CELA1: variants seen among roughly 807,000 people sequenced by gnomAD.
The protein encoded by CELA1 is chymotrypsin like elastase 1.
In CELA1, 28 loss-of-function variants were observed where a neutral mutation model predicts 34.8. The ratio of observed to expected loss-of-function variants is 0.80; its 90% CI spans 0.60 to 1.10. The LOEUF (loss-of-function observed/expected upper bound fraction) is 1.10, where lower values mean the gene tolerates loss of function less well. CELA1 is among the 50% of genes least tolerant of loss of function. CELA1 has a pLI of 0.00. For synonymous variants in CELA1, 140 were observed against 129.8 expected (o/e 1.08, Z -0.53); for missense variants, 288 against 327.5 (o/e 0.88, Z 0.93).
rs558013081 is a variant in CELA1, at chr12:51,330,884, G to C, written c.610-1051C>G. On this transcript the variant is annotated intron_variant, in intron 6 of 7. Coordinates refer to ENST00000293636, the MANE Select transcript of CELA1 (RefSeq NM_001971.6). The stretch of plus-strand genomic sequence containing the variant: ...ACTCGGGAGGCTGAGGCAGGAGAAT[G>C]GCGTGAACCCGGGAGGCAGAGCTTG... Among the ~76,000 whole-genome samples, 10 of 150,218 alleles carry C rather than the reference G, an allele frequency of 6.7e-5. No individual in the cohort carries two copies. The East Asian group carries it at 1.4e-3, about 21-fold the overall frequency.
At chr12:51,339,828 G>A in intron 6 of CELA1, 32 bp downstream of exon 6, 1 of 1,587,430 alleles carries the variant, frequency 6.3e-7, no homozygotes, top group South Asian at 1.2e-5. Flanking sequence ...AGAGTGGCGG[G>A]ACCTGGGGTG....
intron 6 of CELA1, among the ~76,000 whole-genome samples, chr12:51,332,247 A>C (rs944114354): frequency 1.3e-5 from 2 of 152,006 alleles, no homozygotes; most frequent in South Asian, 4.1e-4. Context: ...ATATTACATG[A>C]TTTTGTTGTA....
At chr12:51,337,360 C>A (rs529901999) in intron 6 of CELA1, among the ~76,000 whole-genome samples, 2 of 151,834 alleles carry the variant, frequency 1.3e-5, no homozygotes, top group East Asian at 1.9e-4. Flanking sequence ...CATAGTGAAA[C>A]CTTGTCACTA....
chr12:51,345,709 G>A (rs1039158194), intron 2 of CELA1, 86 bp downstream of exon 2: 53 of 934,468 alleles, frequency 5.7e-5, no homozygotes, highest in Non-Finnish European at 8.9e-5. Context: ...TTGTTGATAG[G>A]GACATGCACA....
intron 6 of CELA1, among the ~76,000 whole-genome samples, chr12:51,338,929 A>G (rs746210504): frequency 1.6e-4 from 24 of 151,430 alleles, no homozygotes; most frequent in Middle Eastern, 6.8e-3. Flanking sequence ...CTGGGCCACA[A>G]AGCAAGACCC....
intron 3 of CELA1, among the ~76,000 whole-genome samples, 158 bp downstream of exon 3, chr12:51,343,595 C>T (rs1321587567): frequency 1.3e-5 from 2 of 152,226 alleles, no homozygotes; most frequent in Non-Finnish European, 2.9e-5. Flanking sequence ...AAAGTTTGTA[C>T]TTTCACCATA....
chr12:51,329,535 C>A (rs1214441530), intron 7 of CELA1, 149 bp downstream of exon 7: 2 of 810,292 alleles, frequency 2.5e-6, no homozygotes, highest in African/African-American at 3.5e-5. Flanking sequence ...AAGGAAAGTA[C>A]ACCGTGGAAG....
chr12:51,333,752 C>T (rs931646716), intron 6 of CELA1, among the ~76,000 whole-genome samples: 1 of 152,122 alleles, frequency 6.6e-6, no homozygotes, highest in East Asian at 1.9e-4. Context: ...ATTTAGGAAA[C>T]GATGTTTTCT....
At chr12:51,335,847 G>C (rs1358614100) in intron 6 of CELA1, among the ~76,000 whole-genome samples, 1 of 152,004 alleles carries the variant, frequency 6.6e-6, no homozygotes, top group African/African-American at 2.4e-5. Flanking sequence ...ACATTTCCCA[G>C]GCTGGTCTCT....
At chr12:51,331,022 A>C (rs957732919) in intron 6 of CELA1, among the ~76,000 whole-genome samples, 2 of 151,842 alleles carry the variant, frequency 1.3e-5, no homozygotes, top group African/African-American at 4.8e-5. Flanking sequence ...AGATTGAAAC[A>C]AAGAAACAAG....
intron 6 of CELA1, among the ~76,000 whole-genome samples, chr12:51,333,392 CTGTTTTTTTTT>C (rs1682208990): frequency 8.1e-6 from 1 of 123,880 alleles, no homozygotes; most frequent in Non-Finnish European, 1.7e-5. Flanking sequence ...CTGAGCCCGA[CTGTTTTTTTTT>C]TGTTTTTTTT....
intron 6 of CELA1, 150 bp from the exon 7 acceptor site, chr12:51,329,983 G>C: frequency 1.6e-6 from 1 of 621,752 alleles, no homozygotes; most frequent in Non-Finnish European, 2.7e-6. Context: ...CAATCAAAAT[G>C]AATCTCTTCT....
intron 5 of CELA1, among the ~76,000 whole-genome samples, chr12:51,340,441 G>A (rs915035526): frequency 6.8e-6 from 1 of 146,368 alleles, no homozygotes; most frequent in African/African-American, 2.5e-5. Flanking sequence ...CCAGGCTGGA[G>A]TGCAATGGAG....
intron 7 of CELA1, 112 bp downstream of exon 7, chr12:51,329,572 G>T: frequency 8.9e-7 from 1 of 1,127,678 alleles, no homozygotes; most frequent in Non-Finnish European, 1.3e-6. Context: ...ACACATGAAT[G>T]TGGTAAGGAA....
chr12:51,338,849 C>T (rs1003163677), intron 6 of CELA1, among the ~76,000 whole-genome samples: 16 of 151,998 alleles, frequency 1.1e-4, no homozygotes, highest in South Asian at 8.3e-4. Flanking sequence ...TGGTGGCTCA[C>T]GCCTGTATTC....
intron 6 of CELA1, among the ~76,000 whole-genome samples, chr12:51,338,303 CAT>C (rs56698369): frequency 0.76 from 108,218 of 142,038 alleles, 42,776 homozygotes; most frequent in Middle Eastern, 0.88. Context: ...CATACGCATA[CAT>C]ATATATATAT....
At chr12:51,345,939 G>T (rs564811658) in intron 1 of CELA1, 62 bp from the exon 2 acceptor site, 142 of 1,148,780 alleles carry the variant, frequency 1.2e-4, no homozygotes, top group Admixed American at 2.4e-4. Context: ...GGGTAGGGGT[G>T]GGGGGTGGCG....
intron 2 of CELA1, 148 bp from the exon 3 acceptor site, chr12:51,344,001 C>G: frequency 3.3e-6 from 2 of 614,098 alleles, no homozygotes; most frequent in Non-Finnish European, 5.8e-6. Context: ...TGGAGACCAG[C>G]CTGGGCAACA....
At chr12:51,339,013 G>A (rs1358249145) in intron 6 of CELA1, among the ~76,000 whole-genome samples, 2 of 152,168 alleles carry the variant, frequency 1.3e-5, no homozygotes, top group Middle Eastern at 3.2e-3. Flanking sequence ...ATGGCTGATT[G>A]ATCTTGTCAA....
Sources: allele counts gnomAD v4.1 joint callset (sites outside exome capture counted in the v4.1 genomes callset), GRCh38; gene constraint gnomAD v4.1.1; transcripts MANE v1.5; gene names NCBI Gene and HGNC (gene_info 2026-07-23, HGNC 2026-07-21).